FGF20: variants seen among roughly 807,000 people sequenced by gnomAD.
FGF20 encodes the protein fibroblast growth factor 20.
In FGF20, 8 loss-of-function variants were observed where a neutral mutation model predicts 16.7. The observed-to-expected ratio is 0.48, with a 90% CI of 0.28 to 0.87. The LOEUF (loss-of-function observed/expected upper bound fraction) is 0.87. Among genes scored for constraint, FGF20 ranks in the 40% least tolerant of loss-of-function variants. FGF20 has a pLI of 0.10. For synonymous variants in FGF20, 161 were observed against 118.6 expected, an observed-to-expected ratio of 1.36 and a Z score of -2.32; for missense variants, 397 against 281.4, an observed-to-expected ratio of 1.41 and a Z score of -2.94.
chr8:16,998,367 C>T (rs983702822), intron 1 of FGF20, among the ~76,000 whole-genome samples: 3 of 152,162 alleles, frequency 2.0e-5, no homozygotes, highest in African/African-American at 7.2e-5. Flanking sequence ...AGATTTTAGT[C>T]ACACTTTTAA....
At position 16,993,066 on chromosome 8, in the gene FGF20, C is replaced by T. The variant is rs767969554; in HGVS notation, c.*6G>A. On this transcript the variant is annotated 3_prime_UTR_variant, in exon 3 of 3. Transcript: ENST00000180166. Reference sequence around the variant, plus strand: ...TTTGACTCTTCCATAATGTCACTATCGCACTTCAAGTGTACATCAGTAGGT... The same window carrying T: ...TTTGACTCTTCCATAATGTCACTATTGCACTTCAAGTGTACATCAGTAGGT... The T allele has an allele frequency of 8.7e-6, 14 of 1,612,538 alleles. No individual in the cohort carries two copies. The highest frequency in any genetic ancestry group is 3.3e-5 in the South Asian group (3 of 90,790).
chr8:16,992,981 G>T lies in FGF20; in HGVS notation c.*91C>A. 15 of 1,432,728 alleles carry T rather than the reference G, an allele frequency of 1.0e-5. No individual in the cohort carries two copies. Among genetic ancestry groups the T allele is most frequent in the Admixed American group, 4.5e-5 (2 of 44,088 alleles). 88.8% of individuals were successfully genotyped at this position (1,432,728 alleles called of 1,614,324 possible). The stretch of plus-strand genomic sequence containing the variant: ...AGTAGAAAATAGACTTTAATATTTT[G>T]AACGTCTCCTTGGGTCATTATTTTA... On this transcript the variant is annotated 3_prime_UTR_variant, in exon 3 of 3. Transcript: ENST00000180166.
intron 1 of FGF20, among the ~76,000 whole-genome samples, chr8:16,999,343 T>C (rs1215053812): frequency 1.3e-5 from 2 of 152,222 alleles, no homozygotes; most frequent in Non-Finnish European, 2.9e-5. Context: ...ATGATAATTC[T>C]GATATTCAAC....
At chr8:17,001,431 C>T (rs1483309388) in intron 1 of FGF20, among the ~76,000 whole-genome samples, 1 of 152,024 alleles carries the variant, frequency 6.6e-6, no homozygotes, top group Non-Finnish European at 1.5e-5. Context: ...TCTTGGTGTC[C>T]CCGGCAGTGG....
intron 2 of FGF20, among the ~76,000 whole-genome samples, chr8:16,993,619 T>C (rs1173494671): frequency 1.3e-5 from 2 of 152,126 alleles, no homozygotes; most frequent in Non-Finnish European, 2.9e-5. Flanking sequence ...GTGATCCAAG[T>C]GCATTACATT....
rs749395828 is a variant in FGF20 at position 17,002,083 on chromosome 8, G to C, written c.-51C>G. 2.5e-5 allele frequency: 37 copies of C among 1,474,454 alleles called. No individual in the cohort carries two copies. The highest frequency in any genetic ancestry group is 3.0e-5 in the Non-Finnish European group (34 of 1,115,918). The allele number at this position is 1,474,454 out of a possible 1,614,324, so 91.3% of individuals were successfully genotyped here. A position where few individuals can be genotyped will look rare whatever the true frequency, so the allele number is the denominator to read the frequency against. ...GACCCCCCCAGTAAAGAGTGTTGTG[G>C]GGGTGGGATGGAGGTGGATAGAGAA... On this transcript the variant is annotated 5_prime_UTR_variant, in exon 1 of 3. Transcript: ENST00000180166.
Position 16,993,740 on chromosome 8 carries a change from T to C in FGF20, c.391-423A>G, listed in dbSNP as rs142774154. On this transcript the variant is annotated intron_variant, in intron 2 of 2. Coordinates refer to ENST00000180166, the MANE Select transcript of FGF20 (RefSeq NM_019851.3). ...AGCCCTGAGCTTGTTTTCTTGCAAC[T>C]AGACTGTCCCATCTGGGGGTGAACG... Among the ~76,000 whole-genome samples the C allele has an allele frequency of 5.9e-5, 9 of 152,298 alleles. No homozygotes were observed. The East Asian group carries it at 1.7e-3, about 29-fold the overall frequency.
chr8:17,001,823 A>G lies in FGF20; in HGVS notation c.210T>C (p.Tyr70=), dbSNP rs112352647. ...LHGILRRRQL[Y]CRTGFHLQIL... ...TCTGCAGGTGGAAGCCGGTGCGGCAATAGAGCTGCCGGCGGCGCAGGATGC... is the reference window on the plus strand; with the variant it reads ...TCTGCAGGTGGAAGCCGGTGCGGCAGTAGAGCTGCCGGCGGCGCAGGATGC... Residue 70 remains tyrosine (Y), a synonymous_variant, in exon 1 of 3, where the codon TAT becomes TAC. Transcript: ENST00000180166. 2 of 1,543,342 alleles carry G rather than the reference A, an allele frequency of 1.3e-6. No homozygotes were observed. The highest frequency in any genetic ancestry group is 1.4e-5 in the African/African-American group (1 of 70,542).
chr8:16,999,126 C>T (rs577716082), intron 1 of FGF20, among the ~76,000 whole-genome samples: 20 of 152,250 alleles, frequency 1.3e-4, no homozygotes, highest in African/African-American at 4.3e-4. Context: ...TATTGAAGGC[C>T]GCTAGGATGT....
At chr8:16,997,912 A>T (rs573940843) in intron 1 of FGF20, among the ~76,000 whole-genome samples, 19 of 152,354 alleles carry the variant, frequency 1.2e-4, no homozygotes, top group African/African-American at 4.6e-4. Flanking sequence ...TGAATGTTAC[A>T]TTCAAATTAA....
chr8:16,992,841 T>A lies in FGF20; in HGVS notation c.*231A>T, dbSNP rs1809945912. 2.1e-6 allele frequency: 1 copy of A among 480,996 alleles called. No homozygotes were observed. The highest frequency in any genetic ancestry group is 3.8e-5 in the Admixed American group (1 of 26,220). The allele number at this position is 480,996 out of a possible 1,614,324, so 29.8% of individuals were successfully genotyped here. A position where few individuals can be genotyped will look rare whatever the true frequency, so the allele number is the denominator to read the frequency against. ...TTGGCTTCAGTCTACTGGTAAGGAC[T>A]AATCCAATGTATCTAAGGGAACTTA... On this transcript the variant is annotated 3_prime_UTR_variant, in exon 3 of 3. Coordinates refer to ENST00000180166, the MANE Select transcript of FGF20 (RefSeq NM_019851.3).
intron 1 of FGF20, 81 bp downstream of exon 1, chr8:17,001,666 C>T (rs1741137776): frequency 7.1e-7 from 1 of 1,412,832 alleles, no homozygotes; most frequent in Non-Finnish European, 9.3e-7. Flanking sequence ...CCTTGGCAGG[C>T]AAAGAGGGAG....
At chr8:17,001,144 A>G (rs1358701857) in intron 1 of FGF20, among the ~76,000 whole-genome samples, 1 of 150,582 alleles carries the variant, frequency 6.6e-6, no homozygotes, top group Non-Finnish European at 1.5e-5. Context: ...GTGCCCACGG[A>G]AAGTTAATCT....
Position 17,002,125 on chromosome 8 carries a change from A to G in FGF20, c.-93T>C. ...GATAGAGAAAAATTATAGCAAAACG[A>G]GCGCAAAAAGTTAAGGCCCGGTTAC... On this transcript the variant is annotated 5_prime_UTR_variant, in exon 1 of 3. Transcript: ENST00000180166. 4 of 1,352,360 alleles carry G rather than the reference A, an allele frequency of 3.0e-6. No homozygotes were observed. Among genetic ancestry groups the G allele is most frequent in the Non-Finnish European group, 3.9e-6 (4 of 1,037,962 alleles). The allele number at this position is 1,352,360 out of a possible 1,614,324, so 83.8% of individuals were successfully genotyped here. A position where few individuals can be genotyped will look rare whatever the true frequency, so the allele number is the denominator to read the frequency against.
chr8:16,993,097 T>C lies in FGF20; in HGVS notation c.611A>G (p.Tyr204Cys), dbSNP rs1281074178. 6 of 1,614,130 alleles carry C rather than the reference T, an allele frequency of 3.7e-6. No homozygotes were observed. The highest frequency in any genetic ancestry group is 1.3e-5 in the African/African-American group (1 of 75,058). ...PVDPERVPEL[Y>C]KDLLMYT ...TCAAGTGTACATCAGTAGGTCCTTG[T>C]ACAATTCTGGAACTCTTTCTGGATC... is the stretch of plus-strand genomic sequence containing the variant. Residue 204 changes from tyrosine (Y) to cysteine (C), a missense_variant, in exon 3 of 3, where the codon TAC becomes TGC. By Grantham distance (194) the Tyr-to-Cys change is radical. Coordinates refer to ENST00000180166, the MANE Select transcript of FGF20 (RefSeq NM_019851.3).
intron 2 of FGF20, among the ~76,000 whole-genome samples, chr8:16,994,134 T>C (rs1348479308): frequency 6.6e-6 from 1 of 152,112 alleles, no homozygotes; most frequent in African/African-American, 2.4e-5. Context: ...TCATGTCCCA[T>C]ATCATCACCC....
chr8:16,999,082 C>T (rs943858461), intron 1 of FGF20, among the ~76,000 whole-genome samples: 3 of 152,084 alleles, frequency 2.0e-5, no homozygotes, highest in South Asian at 2.1e-4. Flanking sequence ...TCTTCTTACC[C>T]GCACTCTCTT....
intron 1 of FGF20, among the ~76,000 whole-genome samples, chr8:17,001,097 G>C (rs1220347504): frequency 5.5e-5 from 7 of 128,152 alleles, no homozygotes; most frequent in African/African-American, 2.3e-4. Flanking sequence ...TAGGAGCTGA[G>C]GGAACCTCAG....
Position 16,993,051 on chromosome 8 carries a change from C to A in FGF20, c.*21G>T. 6.2e-7 allele frequency: 1 copy of A among 1,610,216 alleles called. No individual in the cohort carries two copies. Among genetic ancestry groups the A allele is most frequent in the South Asian group, 1.1e-5 (1 of 90,480 alleles). Reference sequence around the variant, plus strand: ...AAAGAATGGTTGTGGTTTGACTCTTCCATAATGTCACTATCGCACTTCAAG... The same window carrying A: ...AAAGAATGGTTGTGGTTTGACTCTTACATAATGTCACTATCGCACTTCAAG... On this transcript the variant is annotated 3_prime_UTR_variant, in exon 3 of 3. Coordinates refer to ENST00000180166, the MANE Select transcript of FGF20 (RefSeq NM_019851.3).
Sources: gnomAD v4.1 joint callset for allele counts (sites outside exome capture counted in the v4.1 genomes callset) on GRCh38, gnomAD v4.1.1 for gene constraint, MANE v1.5 for transcripts, NCBI Gene and HGNC (gene_info 2026-07-23, HGNC 2026-07-21) for gene names.